Variants in OPCML observed in about 807,000 individuals in gnomAD.
OPCML encodes the protein opioid-binding protein/cell adhesion molecule.
Under a neutral mutation model 37.8 loss-of-function variants are expected in OPCML, and 13 were observed. The observed-to-expected ratio is 0.34, with a 90% CI of 0.22 to 0.55. The LOEUF (loss-of-function observed/expected upper bound fraction) is 0.55. OPCML is among the 20% of genes least tolerant of loss of function. The probability of loss-of-function intolerance (pLI) is 0.91; values close to 1 mark genes in which losing one functional copy is unlikely to be tolerated. For missense variants in OPCML, 341 were observed against 435.6 expected, an observed-to-expected ratio of 0.78 and a Z score of 1.93; for synonymous variants, 176 against 168.8, an observed-to-expected ratio of 1.04 and a Z score of -0.33.
At chr11:132,526,919 T>C (rs1237538491) in intron 4 of OPCML, among the ~76,000 whole-genome samples, 1 of 152,174 alleles carries the variant, frequency 6.6e-6, no homozygotes, top group Non-Finnish European at 1.5e-5. Flanking sequence ...AACCACTGAC[T>C]TGACTTCTGC....
intron 2 of OPCML, among the ~76,000 whole-genome samples, chr11:132,850,817 C>T (rs1941776428): frequency 6.6e-6 from 1 of 152,154 alleles, no homozygotes; most frequent in African/African-American, 2.4e-5. Context: ...ATAAAAAAGA[C>T]CAGACCTGGC....
chr11:132,931,583 G>A (rs1299878277), intron 2 of OPCML, among the ~76,000 whole-genome samples: 2 of 152,134 alleles, frequency 1.3e-5, no homozygotes, highest in Middle Eastern at 3.2e-3. Flanking sequence ...TTAGGGAAAT[G>A]CAAATCAAAA....
intron 4 of OPCML, among the ~76,000 whole-genome samples, chr11:132,490,450 G>C (rs765454394): frequency 4.6e-5 from 7 of 151,866 alleles, no homozygotes; most frequent in Non-Finnish European, 1.0e-4. Flanking sequence ...ATCCTCTCTG[G>C]CTGCACTCAC....
At chr11:132,969,250 T>C (rs1946286051) in intron 1 of OPCML, among the ~76,000 whole-genome samples, 1 of 152,242 alleles carries the variant, frequency 6.6e-6, no homozygotes, top group Non-Finnish European at 1.5e-5. Flanking sequence ...GTCATTCTAC[T>C]GCCTTATAGT....
intron 2 of OPCML, among the ~76,000 whole-genome samples, chr11:132,840,827 TTGA>T (rs1489686183): frequency 1.3e-5 from 2 of 151,966 alleles, no homozygotes; most frequent in Non-Finnish European, 2.9e-5. Context: ...TAGAAAAATG[TTGA>T]TGAGGCCGCT....
At chr11:133,283,954 C>G (rs947108845) in intron 1 of OPCML, among the ~76,000 whole-genome samples, 1 of 152,170 alleles carries the variant, frequency 6.6e-6, no homozygotes, top group Non-Finnish European at 1.5e-5. Context: ...CTTCCCCCCC[C>G]AGTACCTAAA....
intron 1 of OPCML, among the ~76,000 whole-genome samples, chr11:133,316,680 C>A (rs911180715): frequency 2.0e-5 from 3 of 152,096 alleles, no homozygotes; most frequent in Non-Finnish European, 2.9e-5. Context: ...TGACTCTTAA[C>A]CCCTGGTCTT....
At chr11:133,088,205 A>G (rs1948846894) in intron 1 of OPCML, among the ~76,000 whole-genome samples, 1 of 147,216 alleles carries the variant, frequency 6.8e-6, no homozygotes, top group African/African-American at 2.5e-5. Flanking sequence ...TGAACCTTTT[A>G]CATGGGAGAA....
chr11:133,390,044 T>C (rs1265252181), intron 1 of OPCML, among the ~76,000 whole-genome samples: 1 of 152,222 alleles, frequency 6.6e-6, no homozygotes, highest in Non-Finnish European at 1.5e-5. Context: ...TCAATCACTA[T>C]GTGAACGTGG....
chr11:133,496,847 C>T (rs766993944), intron 1 of OPCML, among the ~76,000 whole-genome samples: 1 of 152,186 alleles, frequency 6.6e-6, no homozygotes, highest in Non-Finnish European at 1.5e-5. Context: ...TGTCAGCAAA[C>T]AGGGACAGTT....
intron 1 of OPCML, chr11:133,004,218 C>T: frequency 1.0e-6 from 1 of 985,490 alleles, no homozygotes; most frequent in Non-Finnish European, 1.2e-6. Context: ...CTGAGAGTCA[C>T]TTTCCATTGC....
intron 2 of OPCML, among the ~76,000 whole-genome samples, chr11:132,819,168 G>GA (rs1278816810): frequency 6.6e-6 from 1 of 151,892 alleles, no homozygotes. Flanking sequence ...GATCTCTAGA[G>GA]AAAAATAATA....
chr11:132,687,496 T>A (rs1943218758), intron 2 of OPCML, among the ~76,000 whole-genome samples: 1 of 146,496 alleles, frequency 6.8e-6, no homozygotes, highest in Non-Finnish European at 1.5e-5. Context: ...ATAAATCCGA[T>A]CTTCTTCTGC....
At chr11:132,901,983 G>A (rs1474140093) in intron 2 of OPCML, among the ~76,000 whole-genome samples, 1 of 152,164 alleles carries the variant, frequency 6.6e-6, no homozygotes, top group Non-Finnish European at 1.5e-5. Flanking sequence ...CCCACCACCG[G>A]TGTTTGCGTC....
intron 1 of OPCML, among the ~76,000 whole-genome samples, chr11:133,080,959 C>T (rs1475312044): frequency 2.0e-5 from 3 of 152,054 alleles, no homozygotes; most frequent in African/African-American, 7.2e-5. Context: ...GGGGGTGAAG[C>T]GTGCATGGTG....
At chr11:132,944,151 C>CGCG (rs1001163555) in intron 1 of OPCML, among the ~76,000 whole-genome samples, 2 of 150,508 alleles carry the variant, frequency 1.3e-5, no homozygotes, top group African/African-American at 4.9e-5. Flanking sequence ...GCGGAGAGAA[C>CGCG]GCGGCGCCCC....
chr11:132,729,191 C>T (rs1249767409), intron 2 of OPCML, among the ~76,000 whole-genome samples: 3 of 152,178 alleles, frequency 2.0e-5, no homozygotes, highest in South Asian at 2.1e-4. Flanking sequence ...CTCACTGTCA[C>T]TTCACATTAT....
At chr11:133,512,692 A>C (rs1948186579) in intron 1 of OPCML, among the ~76,000 whole-genome samples, 1 of 152,130 alleles carries the variant, frequency 6.6e-6, no homozygotes, top group Non-Finnish European at 1.5e-5. Context: ...CCTCATTGGG[A>C]CAAAAAGGTG....
intron 1 of OPCML, among the ~76,000 whole-genome samples, chr11:133,068,406 G>T (rs984334591): frequency 6.6e-6 from 1 of 152,188 alleles, no homozygotes; most frequent in Non-Finnish European, 1.5e-5. Context: ...TGCCCAAATG[G>T]TAAAGGGGAA....
Sources: gnomAD v4.1 joint callset for allele counts (sites outside exome capture counted in the v4.1 genomes callset) on GRCh38, gnomAD v4.1.1 for gene constraint, MANE v1.5 for transcripts, NCBI Gene and HGNC (gene_info 2026-07-23, HGNC 2026-07-21) for gene names.